BRD10: variants seen among roughly 807,000 people sequenced by gnomAD.
The protein encoded by BRD10 is bromodomain containing 10, also known as uncharacterized bromodomain-containing protein 10.
the BRD10 span, among the ~76,000 whole-genome samples, chr9:5,976,514 A>T: frequency 3.2e-4 from 49 of 152,170 alleles, 1 homozygote; most frequent in African/African-American, 1.1e-3. Context: ...ATTTTGGTTA[A>T]TCTTGTCATA....
the BRD10 span, among the ~76,000 whole-genome samples, chr9:5,979,734 T>A: frequency 6.6e-6 from 1 of 152,006 alleles, no homozygotes; most frequent in African/African-American, 2.4e-5. Flanking sequence ...GTATCTAAAA[T>A]AGCCGGTATG....
At chr9:5,926,809 TAAAACATTAAAATTCCTTAATTTCC>T in the BRD10 span, among the ~76,000 whole-genome samples, 4 of 152,298 alleles carry the variant, frequency 2.6e-5, no homozygotes, top group South Asian at 2.1e-4. Context: ...TTTTAATTTT[TAAAACATTAAAATTCCTTAATTTCC>T]AAAACATTAA....
the BRD10 span, among the ~76,000 whole-genome samples, chr9:5,948,673 T>C: frequency 4.6e-5 from 7 of 151,808 alleles, no homozygotes; most frequent in African/African-American, 9.7e-5. Flanking sequence ...ACAAACAATA[T>C]GGTAGATTAT....
chr9:6,007,852 G>T, the BRD10 span: 1 of 1,375,832 alleles, frequency 7.3e-7, no homozygotes, highest in South Asian at 1.6e-5. Context: ...ACGCGTGAGC[G>T]CGAGCCGCTT....
the BRD10 span, among the ~76,000 whole-genome samples, chr9:5,984,930 A>G: frequency 6.6e-6 from 1 of 152,150 alleles, no homozygotes; most frequent in Non-Finnish European, 1.5e-5. Flanking sequence ...AATTACACAA[A>G]AAGTGAAGGT....
the BRD10 span, among the ~76,000 whole-genome samples, chr9:5,957,044 GACA>G: frequency 6.6e-6 from 1 of 152,054 alleles, no homozygotes; most frequent in South Asian, 2.1e-4. Flanking sequence ...AGAAAACACT[GACA>G]ACGATTTTAA....
At chr9:5,924,919 T>C in the BRD10 span, 1 of 1,060,088 alleles carries the variant, frequency 9.4e-7, no homozygotes, top group Non-Finnish European at 1.3e-6. Context: ...ACTTTTAACA[T>C]TTTAAACTAC....
chr9:5,998,421 T>A, the BRD10 span, among the ~76,000 whole-genome samples: 2 of 152,158 alleles, frequency 1.3e-5, no homozygotes, highest in African/African-American at 4.8e-5. Flanking sequence ...TTTAATAATC[T>A]ATATTGCAAA....
chr9:5,931,026 G>C, the BRD10 span, among the ~76,000 whole-genome samples: 2 of 152,208 alleles, frequency 1.3e-5, no homozygotes, highest in African/African-American at 2.4e-5. Flanking sequence ...GTTAAAGAGA[G>C]AAGAAAGAGG....
At chr9:5,993,518 T>A in the BRD10 span, among the ~76,000 whole-genome samples, 1 of 152,050 alleles carries the variant, frequency 6.6e-6, no homozygotes, top group East Asian at 1.9e-4. Flanking sequence ...GAAGGGATAG[T>A]GAAGCACTCC....
chr9:5,896,885 G>A, the BRD10 span, among the ~76,000 whole-genome samples: 1 of 152,210 alleles, frequency 6.6e-6, no homozygotes, highest in Non-Finnish European at 1.5e-5. Context: ...TGTAGGTTCA[G>A]CCCAGACACT....
chr9:5,919,472 T>G, the BRD10 span: 1 of 487,122 alleles, frequency 2.1e-6, no homozygotes, highest in East Asian at 3.4e-5. Flanking sequence ...GAACAGTAAG[T>G]GAAATGGAAC....
chr9:6,005,609 G>C, the BRD10 span, among the ~76,000 whole-genome samples: 2 of 152,260 alleles, frequency 1.3e-5, no homozygotes, highest in African/African-American at 4.8e-5. Flanking sequence ...TCATTCTCTT[G>C]CCTCATTCTA....
At chr9:5,904,007 G>A in the BRD10 span, among the ~76,000 whole-genome samples, 22 of 152,070 alleles carry the variant, frequency 1.4e-4, no homozygotes, top group Non-Finnish European at 2.6e-4. Context: ...ACAGGTGTGC[G>A]CCACCAAGCC....
chr9:5,963,504 C>T, the BRD10 span, among the ~76,000 whole-genome samples: 32 of 147,970 alleles, frequency 2.2e-4, no homozygotes, highest in African/African-American at 7.0e-4. Context: ...AGATTCAATG[C>T]CATCCCCATC....
chr9:5,966,107 A>G, the BRD10 span, among the ~76,000 whole-genome samples: 336 of 152,350 alleles, frequency 2.2e-3, 1 homozygote, highest in African/African-American at 7.4e-3. Flanking sequence ...TGAGAATAAA[A>G]TAAGTATACA....
At chr9:6,007,374 A>G in the BRD10 span, 1 of 1,612,812 alleles carries the variant, frequency 6.2e-7, no homozygotes. Flanking sequence ...TCTGCAGCAG[A>G]CACATGCCCT....
the BRD10 span, chr9:5,920,938 A>G: frequency 1.2e-6 from 2 of 1,614,030 alleles, no homozygotes; most frequent in South Asian, 2.2e-5. Context: ...TTGAAGAGGT[A>G]TCATTTCCAC....
the BRD10 span, chr9:6,007,806 T>C: frequency 6.8e-7 from 1 of 1,472,640 alleles, no homozygotes; most frequent in Non-Finnish European, 8.9e-7. Context: ...AGGCCTAGGC[T>C]GGGCGGTGTG....
Sources: gnomAD v4.1 joint callset for allele counts (sites outside exome capture counted in the v4.1 genomes callset) on GRCh38, gnomAD v4.1.1 for gene constraint, MANE v1.5 for transcripts, NCBI Gene and HGNC (gene_info 2026-07-23, HGNC 2026-07-21) for gene names.